Variants in SLC43A1 observed in about 807,000 individuals in gnomAD.
SLC43A1 encodes the protein solute carrier family 43 member 1, also known as large neutral amino acids transporter small subunit 3.
SLC43A1 carries 31 observed loss-of-function variants against 59.5 expected under a neutral mutation model. That is an observed-to-expected ratio of 0.52 (90% CI 0.39 to 0.70). The LOEUF (loss-of-function observed/expected upper bound fraction) is 0.70, where lower values mean the gene tolerates loss of function less well. SLC43A1 is among the 30% of genes least tolerant of loss of function. The probability of loss-of-function intolerance (pLI) is 0.00; values close to 1 mark genes in which losing one functional copy is unlikely to be tolerated. For synonymous variants in SLC43A1, 259 were observed against 290.9 expected (o/e 0.89, Z 1.12); for missense variants, 598 against 717.8 (o/e 0.83, Z 1.91).
intron 2 of SLC43A1, among the ~76,000 whole-genome samples, chr11:57,509,640 AGGAAGGAAGGAG>A (rs1262481526): frequency 7.5e-5 from 9 of 119,694 alleles, no homozygotes; most frequent in South Asian, 3.3e-4. Context: ...GAAGGAAGGA[AGGAAGGAAGGAG>A]GGAGGGAGGG....
At chr11:57,512,696 A>C (rs1944580533) in intron 2 of SLC43A1, among the ~76,000 whole-genome samples, 1 of 151,994 alleles carries the variant, frequency 6.6e-6, no homozygotes, top group Non-Finnish European at 1.5e-5. Flanking sequence ...TCTTATGTGT[A>C]TCATTTCATG....
chr11:57,497,685 G>T, intron 6 of SLC43A1, 68 bp downstream of exon 6: 1 of 1,225,748 alleles, frequency 8.2e-7, no homozygotes, highest in Non-Finnish European at 1.2e-6. Flanking sequence ...GTCAGCACTA[G>T]CTGCTGCTCA....
At chr11:57,496,610 GA>G (rs1412083904) in intron 6 of SLC43A1, among the ~76,000 whole-genome samples, 2 of 152,136 alleles carry the variant, frequency 1.3e-5, no homozygotes, top group Non-Finnish European at 2.9e-5. Context: ...TTCCCCAGGG[GA>G]AAAGGCAAAC....
At chr11:57,509,551 A>T (rs1944473124) in intron 2 of SLC43A1, among the ~76,000 whole-genome samples, 2 of 148,888 alleles carry the variant, frequency 1.3e-5, no homozygotes, top group African/African-American at 5.0e-5. Context: ...TCGTGCCACT[A>T]CACTCCAGCC....
At chr11:57,496,377 C>G (rs950068395) in intron 6 of SLC43A1, among the ~76,000 whole-genome samples, 2 of 152,302 alleles carry the variant, frequency 1.3e-5, no homozygotes, top group Admixed American at 6.5e-5. Context: ...CCCTAGAGAG[C>G]TATGAAATAG....
intron 2 of SLC43A1, among the ~76,000 whole-genome samples, chr11:57,501,662 C>T (rs1397647876): frequency 6.6e-6 from 1 of 152,180 alleles, no homozygotes; most frequent in Non-Finnish European, 1.5e-5. Context: ...TATCTAGAGG[C>T]AAAGGCAAAG....
intron 2 of SLC43A1, among the ~76,000 whole-genome samples, chr11:57,509,637 GGAAGGAAGGA>G (rs1944478310): frequency 1.5e-5 from 2 of 134,464 alleles, no homozygotes; most frequent in African/African-American, 5.5e-5. Context: ...AAGGAAGGAA[GGAAGGAAGGA>G]AGGAGGGAGG....
chr11:57,503,761 G>A (rs188637889), intron 2 of SLC43A1, among the ~76,000 whole-genome samples: 79 of 152,310 alleles, frequency 5.2e-4, no homozygotes, highest in African/African-American at 1.7e-3. Flanking sequence ...GCTGCACACC[G>A]GTGACCAGCA....
At chr11:57,513,386 T>C (rs1265968166) in intron 2 of SLC43A1, among the ~76,000 whole-genome samples, 1 of 152,256 alleles carries the variant, frequency 6.6e-6, no homozygotes, top group Non-Finnish European at 1.5e-5. Context: ...AGACAGCCTA[T>C]GGCTGTAGTT....
intron 2 of SLC43A1, among the ~76,000 whole-genome samples, chr11:57,512,493 A>G (rs1320456781): frequency 6.6e-6 from 1 of 151,736 alleles, no homozygotes; most frequent in African/African-American, 2.4e-5. Flanking sequence ...GCAGTGAGCG[A>G]AGATCATGCC....
intron 5 of SLC43A1, among the ~76,000 whole-genome samples, chr11:57,500,403 T>G (rs536108328): frequency 6.6e-6 from 1 of 152,314 alleles, no homozygotes; most frequent in East Asian, 1.9e-4. Flanking sequence ...CTGACATAAT[T>G]TATTAGTTTA....
chr11:57,500,723 C>G (rs1944237626), intron 5 of SLC43A1, 56 bp downstream of exon 5: 6 of 1,525,040 alleles, frequency 3.9e-6, no homozygotes, highest in East Asian at 4.5e-5. Context: ...CCCACTCACT[C>G]TGCCCTCACC....
At chr11:57,492,569 TATATAA>T (rs1376650450) in intron 8 of SLC43A1, among the ~76,000 whole-genome samples, 317 of 16,170 alleles carry the variant, frequency 0.02, 2 homozygotes, top group Middle Eastern at 0.083. Flanking sequence ...TATATATATA[TATATAA>T]AAAAATAAGC....
In SLC43A1 at chr11:57,484,720, T is replaced by C. The variant is rs1021082802; in HGVS notation, c.*376A>G. 5.9e-6 allele frequency: 1 copy of C among 169,440 alleles called. No homozygotes were observed. Among genetic ancestry groups the C allele is most frequent in the African/African-American group, 2.4e-5 (1 of 41,850 alleles). The allele number at this position is 169,440 out of a possible 1,614,324, so 10.5% of individuals were successfully genotyped here. A position where few individuals can be genotyped will look rare whatever the true frequency, so the allele number is the denominator to read the frequency against. Reference sequence around the variant, plus strand: ...TCACATTCACACATACACAGACACATGCATGTGTGCACACTCATGGCACAT... The same window carrying C: ...TCACATTCACACATACACAGACACACGCATGTGTGCACACTCATGGCACAT... On this transcript the variant is annotated 3_prime_UTR_variant, in exon 15 of 15. Coordinates refer to ENST00000278426, the MANE Select transcript of SLC43A1 (RefSeq NM_003627.6).
intron 13 of SLC43A1, 72 bp downstream of exon 13, chr11:57,488,844 C>A: frequency 7.3e-7 from 1 of 1,370,762 alleles, no homozygotes; most frequent in Admixed American, 1.7e-5. Flanking sequence ...CTGGGGCCCT[C>A]CCAACCCTTC....
intron 2 of SLC43A1, among the ~76,000 whole-genome samples, chr11:57,511,569 T>C (rs1944547017): frequency 6.6e-6 from 1 of 152,038 alleles, no homozygotes; most frequent in East Asian, 1.9e-4. Context: ...AGCCTTGAAA[T>C]AAGCTTGGAT....
intron 10 of SLC43A1, 49 bp from the exon 11 acceptor site, chr11:57,491,411 A>C: frequency 6.4e-7 from 1 of 1,564,608 alleles, no homozygotes; most frequent in Non-Finnish European, 8.7e-7. Context: ...CACTCAGTGG[A>C]CACTATCACC....
intron 5 of SLC43A1, among the ~76,000 whole-genome samples, chr11:57,499,876 G>A (rs939374251): frequency 1.3e-5 from 2 of 152,152 alleles, no homozygotes; most frequent in Non-Finnish European, 2.9e-5. Flanking sequence ...GGGCCAAGTT[G>A]CACAGCAGGG....
intron 13 of SLC43A1, 53 bp from the exon 14 acceptor site, chr11:57,487,271 C>A: frequency 6.3e-7 from 1 of 1,588,452 alleles, no homozygotes; most frequent in Non-Finnish European, 8.6e-7. Flanking sequence ...CAGCCCAGGC[C>A]AGCACCTCTC....
Sources: allele counts gnomAD v4.1 joint callset (sites outside exome capture counted in the v4.1 genomes callset), GRCh38; gene constraint gnomAD v4.1.1; transcripts MANE v1.5; gene names NCBI Gene and HGNC (gene_info 2026-07-23, HGNC 2026-07-21).